Variants in FCHO1 observed in about 807,000 individuals in gnomAD.
FCHO1 encodes the protein FCH and mu domain containing endocytic adaptor 1.
A neutral mutation model predicts 114.4 loss-of-function variants in FCHO1; 45 were observed. The ratio of observed to expected loss-of-function variants is 0.39; its 90% CI spans 0.31 to 0.50. FCHO1 has a LOEUF of 0.50. Among genes scored for constraint, FCHO1 ranks in the 20% least tolerant of loss-of-function variants. The pLI is 0.77. For synonymous variants in FCHO1, 480 were observed against 488.9 expected, an observed-to-expected ratio of 0.98 and a Z score of 0.24; for missense variants, 1,042 against 1,209.6, an observed-to-expected ratio of 0.86 and a Z score of 2.06.
At chr19:17,772,000 A>G (rs1599684269) in intron 9 of FCHO1, among the ~76,000 whole-genome samples, 1 of 152,030 alleles carries the variant, frequency 6.6e-6, no homozygotes, top group Non-Finnish European at 1.5e-5. Flanking sequence ...TTTAGTAGAA[A>G]CGGTTTCACC....
chr19:17,781,269 G>C lies in FCHO1; in HGVS notation c.1666G>C (p.Gly556Arg), dbSNP rs1034506456. 3 of 1,613,940 alleles carry C rather than the reference G, an allele frequency of 1.9e-6. No homozygotes were observed. The East Asian group carries it at 6.7e-5, about 36-fold the overall frequency. The change falls in exon 21 of 29, where the codon GGC becomes CGC. Residue 556 changes from glycine to arginine, a missense_variant. Gly to Arg is a moderately radical substitution (Grantham distance 125). Coordinates refer to ENST00000596536, the MANE Select transcript of FCHO1 (RefSeq NM_015122.3). ...ACCTGCTGACCCCACAGCCAGGGAG[G>C]GCCTGGCAGCCCCACCCAGGAGACT... ...PAPADPTARE[G>R]LAAPPRRLRS...
chr19:17,787,602 G>A, intron 27 of FCHO1, 80 bp from the exon 28 acceptor site: 17 of 1,451,044 alleles, frequency 1.2e-5, no homozygotes, highest in Non-Finnish European at 1.5e-5. Flanking sequence ...GAGGGCTTCA[G>A]GTGTGGGCCA....
intron 3 of FCHO1, chr19:17,754,889 T>G: frequency 2.1e-6 from 1 of 487,474 alleles, no homozygotes; most frequent in Middle Eastern, 6.0e-4. Flanking sequence ...AGTCCAGTTC[T>G]GACTCTGTGG....
intron 13 of FCHO1, 138 bp from the exon 14 acceptor site, chr19:17,774,918 C>A: frequency 1.1e-6 from 1 of 908,926 alleles, no homozygotes; most frequent in Admixed American, 2.1e-5. Flanking sequence ...CCCCATGGTC[C>A]CACCGCCTCT....
In FCHO1 at chr19:17,778,828, C is replaced by T; in HGVS notation, c.1571C>T (p.Pro524Leu). 1 of 1,555,228 alleles carries T rather than the reference C, an allele frequency of 6.4e-7. No homozygotes were observed. The change falls in exon 20 of 29, where the codon CCG becomes CTG. Residue 524 changes from proline (P) to leucine (L), a missense_variant. Transcript: ENST00000596536. ...GIRAPPLPDSPQPLASSPGPW... is the reference protein window; with the variant it reads ...GIRAPPLPDSLQPLASSPGPW... ...CGGGCACCGCCTCTGCCAGACTCGC[C>T]GCAGCCCCTCGCCTCGTCTCCAGGC...
intron 6 of FCHO1, among the ~76,000 whole-genome samples, chr19:17,765,276 T>C (rs1599622480): frequency 1.3e-5 from 2 of 150,296 alleles, no homozygotes; most frequent in South Asian, 4.2e-4. Context: ...TACGGAAGAG[T>C]GAGGAGGCTG....
intron 18 of FCHO1, among the ~76,000 whole-genome samples, chr19:17,777,123 A>C (rs2092726298): frequency 6.6e-6 from 1 of 151,930 alleles, no homozygotes. Context: ...GGGACCATTT[A>C]GTCATTCATT....
intron 20 of FCHO1, among the ~76,000 whole-genome samples, chr19:17,780,223 G>GT (rs2093256726): frequency 2.1e-5 from 3 of 144,762 alleles, no homozygotes; most frequent in Non-Finnish European, 3.0e-5. Context: ...GGAGTGCAGT[G>GT]GTGTGATCTT....
At chr19:17,762,920 G>T (rs1347937048) in intron 5 of FCHO1, 67 bp downstream of exon 5, 2 of 1,070,170 alleles carry the variant, frequency 1.9e-6, no homozygotes, top group African/African-American at 3.1e-5. Flanking sequence ...CCACCTAATG[G>T]CTACGCCCTG....
chr19:17,786,220 C>T (rs1351343125), intron 26 of FCHO1, among the ~76,000 whole-genome samples: 1 of 152,138 alleles, frequency 6.6e-6, no homozygotes, highest in African/African-American at 2.4e-5. Context: ...GTAATCCCAG[C>T]TACTCAGGAG....
chr19:17,779,509 G>A (rs904531131), intron 20 of FCHO1, among the ~76,000 whole-genome samples: 2 of 151,482 alleles, frequency 1.3e-5, no homozygotes, highest in African/African-American at 4.9e-5. Context: ...AAAGGTCGCT[G>A]CAGGGGAGAG....
intron 26 of FCHO1, 47 bp from the exon 27 acceptor site, chr19:17,786,527 C>T (rs546184750): frequency 1.5e-5 from 24 of 1,603,150 alleles, no homozygotes; most frequent in Non-Finnish European, 2.0e-5. Context: ...CCTGGGCTCT[C>T]AGCATCCTCT....
At chr19:17,786,726 G>A in intron 27 of FCHO1, 97 bp downstream of exon 27, 1 of 1,359,514 alleles carries the variant, frequency 7.4e-7, no homozygotes, top group Middle Eastern at 2.0e-4. Flanking sequence ...CATACTGAGG[G>A]CGGGCAAGTA....
At chr19:17,783,908 G>C (rs2093648633) in intron 24 of FCHO1, among the ~76,000 whole-genome samples, 195 bp from the exon 25 acceptor site, 1 of 152,152 alleles carries the variant, frequency 6.6e-6, no homozygotes, top group South Asian at 2.1e-4. Context: ...GTGTGGCGTG[G>C]GGCAAGTAAC....
chr19:17,786,473 A>G, intron 26 of FCHO1, 101 bp from the exon 27 acceptor site: 1 of 1,158,570 alleles, frequency 8.6e-7, no homozygotes, highest in East Asian at 2.6e-5. Flanking sequence ...GTGGGGGAGA[A>G]GGTTTGTTGG....
chr19:17,764,320 C>T (rs1568331084), intron 5 of FCHO1, 55 bp from the exon 6 acceptor site: 12 of 1,558,154 alleles, frequency 7.7e-6, no homozygotes, highest in East Asian at 6.7e-5. Context: ...GGATTACAGG[C>T]GTGAACCACT....
At position 17,783,111 on chromosome 19, in the gene FCHO1, T is replaced by C. The variant is rs1228941183; in HGVS notation, c.2032T>C (p.Phe678Leu). ...SGTPPPPVLS[F>L]RLVHTTAIEH... Reference sequence around the variant, plus strand: ...GACCCCACCACCACCTGTCCTCAGCTTCCGGCTTGTACACACAACCGCTAT... The same window carrying C: ...GACCCCACCACCACCTGTCCTCAGCCTCCGGCTTGTACACACAACCGCTAT... Residue 678 changes from phenylalanine to leucine, a missense_variant, in exon 24 of 29, where the codon TTC becomes CTC. Physicochemically the swap from Phe to Leu is conservative, Grantham distance 22. Transcript: ENST00000596536. The C allele has an allele frequency of 2.5e-6, 4 of 1,614,058 alleles. No homozygotes were observed.
At chr19:17,750,831 T>C (rs567604337), upstream of FCHO1, among the ~76,000 whole-genome samples, 2 of 149,174 alleles carry the variant, frequency 1.3e-5, no homozygotes, top group East Asian at 1.9e-4. Flanking sequence ...TCTTTTCTTT[T>C]TTTTTTTTTT....
chr19:17,785,615 C>T (rs148448598), intron 26 of FCHO1, among the ~76,000 whole-genome samples: 2,414 of 152,086 alleles, frequency 0.016, 26 homozygotes, highest in Middle Eastern at 0.037. Flanking sequence ...GGGCAGATCA[C>T]GAGGTCAGGA....
Sources: gnomAD v4.1 joint callset for allele counts (sites outside exome capture counted in the v4.1 genomes callset) on GRCh38, gnomAD v4.1.1 for gene constraint, MANE v1.5 for transcripts, NCBI Gene and HGNC (gene_info 2026-07-23, HGNC 2026-07-21) for gene names.